Variants in DSP observed in about 807,000 individuals in gnomAD.
The protein encoded by DSP is 250/210 kDa paraneoplastic pemphigus antigen.
DSP carries 114 observed loss-of-function variants against 290.6 expected under a neutral mutation model. The ratio of observed to expected loss-of-function variants is 0.39; its 90% confidence interval spans 0.34 to 0.46. DSP has a LOEUF of 0.46. Among genes scored for constraint, DSP ranks in the 20% least tolerant of loss-of-function variants. The probability of loss-of-function intolerance (pLI) is 0.99; values close to 1 mark genes in which losing one functional copy is unlikely to be tolerated. For synonymous variants in DSP, 1,311 were observed against 1,316.4 expected, an observed-to-expected ratio of 1.00 and a Z score of 0.09; for missense variants, 3,230 against 3,495.8, an observed-to-expected ratio of 0.92 and a Z score of 1.92.
chr6:7,573,410 C>G (rs559545807), intron 15 of DSP, among the ~76,000 whole-genome samples: 130 of 152,198 alleles, frequency 8.5e-4, no homozygotes, highest in African/African-American at 2.9e-3. Context: ...AACCCCATCT[C>G]TACTAAAAAG....
chr6:7,567,136 G>A (rs933186857), intron 8 of DSP, among the ~76,000 whole-genome samples: 5 of 152,102 alleles, frequency 3.3e-5, no homozygotes, highest in African/African-American at 9.7e-5. Flanking sequence ...GACTCCTCAT[G>A]GTGTCTATTT....
intron 2 of DSP, among the ~76,000 whole-genome samples, chr6:7,556,913 T>TAC (rs140288085): frequency 6.6e-6 from 1 of 152,056 alleles, no homozygotes. Context: ...ATAGTGAACA[T>TAC]ACACACACAC....
In DSP at chr6:7,585,787, G is replaced by A. The variant is rs1581827020; in HGVS notation, c.8525G>A (p.Arg2842His). ...GSRSGSRSGS[R>H]SGSRRGSFDA... ...CGCTCCGGATCTCGCTCCGGGTCCC[G>A]CAGTGGGTCCCGGAGAGGAAGCTTT... Residue 2842 changes from arginine (R) to histidine (H), a missense_variant, in exon 24 of 24, where the codon CGC becomes CAC. Physicochemically the swap from Arg to His is conservative, Grantham distance 29. Transcript: ENST00000379802. 6.8e-6 allele frequency: 11 copies of A among 1,609,460 alleles called. No homozygotes were observed. Among genetic ancestry groups the A allele is most frequent in the Non-Finnish European group, 9.3e-6 (11 of 1,178,550 alleles).
Position 7,574,233 on chromosome 6 carries a change from AC to A in DSP, c.2279del (p.Thr760LysfsTer5). The A allele has an allele frequency of 6.2e-7, 1 of 1,613,884 alleles. No individual in the cohort carries two copies. The highest frequency in any genetic ancestry group is 1.7e-4 in the Middle Eastern group (1 of 5,932). On this transcript the variant is annotated frameshift_variant, in exon 16 of 24. Transcript: ENST00000379802. LOFTEE classifies it high-confidence loss of function. ...GAAACTGGAAAATATCAATGGTGTT[AC>A]AGATGGCTACTTAAATAGGTAAACT... is the stretch of plus-strand genomic sequence containing the variant. ...FQKLENINGV[T>X]DGYLNSLCTV...
At position 7,559,392 on chromosome 6, in the gene DSP, C is replaced by G; in HGVS notation, c.589C>G (p.Gln197Glu). The change falls in exon 4 of 24, where the codon CAG (glutamine) becomes GAG (glutamate). Residue 197 changes from glutamine (Q) to glutamate (E), a missense_variant. Physicochemically the swap from Gln to Glu is conservative, Grantham distance 29. Around this residue, in one of 5 missense-constraint regions of DSP, gnomAD observed 646 missense variants for 684.3 expected, o/e 0.94. Coordinates refer to ENST00000379802, the MANE Select transcript of DSP (RefSeq NM_004415.4). The stretch of plus-strand genomic sequence containing the variant: ...CAGTGAATGTTTGGGGTGGATGAGG[C>G]AGCAAAGGGTAAGCAGCTTCTTGAA... ...VTSECLGWMR[Q>E]QRAEMDMVAW... The G allele has an allele frequency of 1.9e-6, 3 of 1,612,572 alleles. No homozygotes were observed. The highest frequency in any genetic ancestry group is 2.5e-6 in the Non-Finnish European group (3 of 1,179,998).
At chr6:7,542,675 A>C (rs561308448) in intron 1 of DSP, among the ~76,000 whole-genome samples, 4 of 152,000 alleles carry the variant, frequency 2.6e-5, no homozygotes, top group East Asian at 3.9e-4. Flanking sequence ...TGTCCCGAGG[A>C]GGCGCTTCGG....
intron 4 of DSP, among the ~76,000 whole-genome samples, chr6:7,560,263 A>G (rs1345119245): frequency 6.6e-6 from 1 of 152,246 alleles, no homozygotes; most frequent in African/African-American, 2.4e-5. Context: ...CTAATTCAGC[A>G]GTGGTTCTAA....
Position 7,563,781 on chromosome 6 carries a change from C to T in DSP, c.772C>T (p.Leu258=), listed in dbSNP as rs147522043. The T allele has an allele frequency of 1.9e-6, 3 of 1,613,614 alleles. No individual in the cohort carries two copies. The highest frequency in any genetic ancestry group is 4.5e-5 in the East Asian group (2 of 44,882). The change falls in exon 6 of 24, where the codon CTG becomes TTG. Residue 258 remains leucine, a synonymous_variant. Transcript: ENST00000379802. ...CCAGTTGGAGGAGGAGTATGAAAAC[C>T]TGCTGGTAAGCTGATTTATTTCTCA... The part of the protein sequence containing the change: ...IYQLEEEYEN[L]LKASFERMDH...
Position 7,565,420 on chromosome 6 carries a change from C to T in DSP, c.839C>T (p.Ser280Phe). The T allele has an allele frequency of 6.2e-7, 1 of 1,614,130 alleles. No homozygotes were observed. The highest frequency in any genetic ancestry group is 8.5e-7 in the Non-Finnish European group (1 of 1,180,022). ...CTGCAGAACATCATTCAGGCCACGT[C>T]CAGGGAGATCATGTGGATCAATGAC... ...RQLQNIIQAT[S>F]REIMWINDCE... The change falls in exon 7 of 24, where the codon TCC becomes TTC. Residue 280 changes from serine (S) to phenylalanine (F), a missense_variant. Around this residue, in one of 5 missense-constraint regions of DSP, gnomAD observed 646 missense variants for 684.3 expected, o/e 0.94. Coordinates refer to ENST00000379802, the MANE Select transcript of DSP (RefSeq NM_004415.4). This position sits in a 1 kb window ranked among gnomAD's most constrained non-coding sequence, Gnocchi z 4.2.
In DSP at chr6:7,581,208, A is replaced by G. The variant is rs1759428741; in HGVS notation, c.5018A>G (p.Glu1673Gly). ...AGGCGGCAGTTACTCCAGGAACAGGAAAGTGTCAAACAAGCTCACTTGAGG... is the reference window on the plus strand; with the variant it reads ...AGGCGGCAGTTACTCCAGGAACAGGGAAGTGTCAAACAAGCTCACTTGAGG... ...ALRRQLLQEQ[E>G]SVKQAHLRNE... The change falls in exon 23 of 24, where the codon GAA becomes GGA. Residue 1673 changes from glutamate (E) to glycine (G), a missense_variant. Glu to Gly is a moderately conservative substitution (Grantham distance 98, BLOSUM62 -2). Coordinates refer to ENST00000379802, the MANE Select transcript of DSP (RefSeq NM_004415.4). 4.3e-6 allele frequency: 7 copies of G among 1,614,080 alleles called. No individual in the cohort carries two copies. Among genetic ancestry groups the G allele is most frequent in the Non-Finnish European group, 5.9e-6 (7 of 1,180,046 alleles).
In DSP at chr6:7,574,241, C is replaced by T. The variant is rs761978340; in HGVS notation, c.2286C>T (p.Gly762=). ...KLENINGVTD[G]YLNSLCTVRA... is the part of the protein sequence containing the mutation. ...AAAATATCAATGGTGTTACAGATGG[C>T]TACTTAAATAGGTAAACTCAGCTAA... Residue 762 remains glycine, a synonymous_variant, in exon 16 of 24, where the codon GGC becomes GGT. Coordinates refer to ENST00000379802, the MANE Select transcript of DSP (RefSeq NM_004415.4). The T allele has an allele frequency of 1.2e-6, 2 of 1,613,682 alleles. No homozygotes were observed. Among genetic ancestry groups the T allele is most frequent in the Admixed American group, 1.7e-5 (1 of 60,016 alleles).
chr6:7,579,763 G>C lies in DSP; in HGVS notation c.3573G>C (p.Glu1191Asp), dbSNP rs750659892. The C allele has an allele frequency of 1.9e-6, 3 of 1,613,824 alleles. No homozygotes were observed. The Admixed American group carries it at 5.0e-5, about 27-fold the overall frequency. The change falls in exon 23 of 24, where the codon GAG (glutamate) becomes GAC (aspartate). Residue 1191 changes from glutamate to aspartate, a missense_variant. This residue lies in a region of DSP where 1,714 missense variants were observed against 1,844.5 expected (regional missense o/e 0.93). Transcript: ENST00000379802. This position sits in a 1 kb window ranked among gnomAD's most constrained non-coding sequence, Gnocchi z 4.1. Reference protein sequence around the residue: ...EGTRKREYENELAKVRNHYNE... With the variant: ...EGTRKREYENDLAKVRNHYNE... ...CCCGGAAGAGAGAATATGAAAATGA[G>C]CTGGCAAAGGTAAGAAACCACTATA...
intron 1 of DSP, among the ~76,000 whole-genome samples, chr6:7,544,426 A>T (rs745407870): frequency 2.0e-5 from 3 of 151,844 alleles, no homozygotes; most frequent in Non-Finnish European, 2.9e-5. Flanking sequence ...TAAGAATTTC[A>T]TAAGTATTTT....
At chr6:7,542,228 T>A in intron 1 of DSP, 143 bp downstream of exon 1, 1 of 1,162,052 alleles carries the variant, frequency 8.6e-7, no homozygotes, top group Non-Finnish European at 1.2e-6. Context: ...CCGGCCGCGC[T>A]GGGAGCAGGA....
intron 8 of DSP, 70 bp from the exon 9 acceptor site, chr6:7,567,283 AC>A: frequency 8.4e-7 from 1 of 1,190,990 alleles, no homozygotes; most frequent in Non-Finnish European, 1.3e-6. Flanking sequence ...ATGCAGGCTC[AC>A]CTATCTCTTG....
chr6:7,546,209 A>G (rs1758166119), intron 1 of DSP, among the ~76,000 whole-genome samples: 1 of 152,232 alleles, frequency 6.6e-6, no homozygotes, highest in Admixed American at 6.5e-5. Context: ...GTGGAGTGAC[A>G]GCTTCAGCTA....
rs1443013612 is a variant in DSP, at chr6:7,574,075, A to C, written c.2131-11A>C. 1 of 1,613,866 alleles carries C rather than the reference A, an allele frequency of 6.2e-7. No homozygotes were observed. Among genetic ancestry groups the C allele is most frequent in the Admixed American group, 1.7e-5 (1 of 60,004 alleles). ...AGCTAAATCAAAAGAGCTTTCCTTC[A>C]TTTTTGACAGAGTGTGCAGAATGAT... On this transcript the variant is annotated splice_polypyrimidine_tract_variant and intron_variant, in intron 15 of 23. Transcript: ENST00000379802.
Position 7,585,794 on chromosome 6 carries a change from G to T in DSP, c.8532G>T (p.Gly2844=). The change falls in exon 24 of 24, where the codon GGG becomes GGT. Residue 2844 remains glycine (G), a synonymous_variant. Transcript: ENST00000379802. ...GATCTCGCTCCGGGTCCCGCAGTGGGTCCCGGAGAGGAAGCTTTGACGCCA... is the reference window on the plus strand; with the variant it reads ...GATCTCGCTCCGGGTCCCGCAGTGGTTCCCGGAGAGGAAGCTTTGACGCCA... The part of the protein sequence containing the change: ...RSGSRSGSRS[G]SRRGSFDATG... 1 of 1,610,808 alleles carries T rather than the reference G, an allele frequency of 6.2e-7. No individual in the cohort carries two copies. The highest frequency in any genetic ancestry group is 8.5e-7 in the Non-Finnish European group (1 of 1,179,174).
rs376397291 is a variant in DSP, at chr6:7,585,925, T to C, written c.*47T>C. 3.6e-4 allele frequency: 566 copies of C among 1,566,876 alleles called. 4 individuals are homozygous for C. In the South Asian group the frequency reaches 4.3e-3, roughly 12 times the overall value. ...TATACCTTGACTTCATTTATATGAA[T>C]TTCCACTTTATTAAATAATAGAAAA... On this transcript the variant is annotated 3_prime_UTR_variant, in exon 24 of 24. Transcript: ENST00000379802.
Sources: gnomAD v4.1 joint callset for allele counts (sites outside exome capture counted in the v4.1 genomes callset) on GRCh38, gnomAD v4.1.1 for gene constraint, gnomAD v4.1.1 regional missense constraint, Gnocchi (gnomAD v3.1) non-coding constraint, MANE v1.5 for transcripts, NCBI Gene and HGNC (gene_info 2026-07-23, HGNC 2026-07-21) for gene names.